Variants in GPC5 observed in about 807,000 individuals in gnomAD.
GPC5 encodes glypican 5, also known as glypican-5.
GPC5 carries 47 observed loss-of-function variants against 53.9 expected under a neutral mutation model. The ratio of observed to expected loss-of-function variants is 0.87; its 90% CI spans 0.69 to 1.11. The LOEUF is 1.11. Ranked by LOEUF, GPC5 falls within the 50% of genes most tolerant of loss-of-function variation. The probability of loss-of-function intolerance (pLI) is 0.00; values close to 1 mark genes in which losing one functional copy is unlikely to be tolerated. For synonymous variants in GPC5, 286 were observed against 263.3 expected, an observed-to-expected ratio of 1.09 and a Z score of -0.84; for missense variants, 748 against 713.1, an observed-to-expected ratio of 1.05 and a Z score of -0.56.
chr13:91,566,417 A>G (rs924302838), intron 2 of GPC5, among the ~76,000 whole-genome samples: 5 of 152,008 alleles, frequency 3.3e-5, no homozygotes, highest in Non-Finnish European at 7.4e-5. Context: ...ACAAAAAATT[A>G]GCCGGGCGTG....
intron 6 of GPC5, among the ~76,000 whole-genome samples, chr13:91,939,266 A>T (rs565448920): frequency 5.3e-5 from 8 of 152,264 alleles, no homozygotes; most frequent in African/African-American, 1.7e-4. Context: ...CTGATAGCAA[A>T]TTAAGAAATC....
intron 7 of GPC5, among the ~76,000 whole-genome samples, chr13:92,259,981 C>T (rs1021869702): frequency 2.6e-5 from 4 of 152,180 alleles, no homozygotes; most frequent in Admixed American, 6.5e-5. Context: ...CCAACAAACT[C>T]TGGGAAAACA....
At position 92,652,671 on chromosome 13, in the gene GPC5, G is replaced by A. The variant is rs145331897; in HGVS notation, c.1562-213611G>A. Among the ~76,000 whole-genome samples, 634 of 152,194 alleles carry A rather than the reference G, an allele frequency of 4.2e-3. 7 individuals carry two copies. The highest frequency in any genetic ancestry group is 0.014 in the African/African-American group (582 of 41,514). ...CTAAAATGAGGACAGTATCCTTCTT[G>A]CTAATTTCTAGTATACAAACTGATA... On this transcript the variant is annotated intron_variant, in intron 7 of 7. Transcript: ENST00000377067.
At chr13:91,572,237 A>T (rs1369608164) in intron 2 of GPC5, among the ~76,000 whole-genome samples, 3 of 128,550 alleles carry the variant, frequency 2.3e-5, no homozygotes, top group African/African-American at 1.0e-4. Context: ...ATATGTATAT[A>T]CATGTGTATA....
At chr13:91,745,267 A>T (rs972919948) in intron 4 of GPC5, among the ~76,000 whole-genome samples, 2 of 152,092 alleles carry the variant, frequency 1.3e-5, no homozygotes, top group African/African-American at 4.8e-5. Context: ...TTATGGGGAC[A>T]TTAAGTGGTA....
intron 7 of GPC5, among the ~76,000 whole-genome samples, chr13:92,651,545 G>T (rs993210711): frequency 2.0e-5 from 3 of 152,074 alleles, no homozygotes; most frequent in African/African-American, 7.2e-5. Context: ...GCCAAGAGGA[G>T]CCTATAGAGA....
chr13:91,927,364 T>A (rs1566346584), intron 6 of GPC5, among the ~76,000 whole-genome samples: 1 of 152,286 alleles, frequency 6.6e-6, no homozygotes, highest in East Asian at 1.9e-4. Flanking sequence ...TTGTAGTAGA[T>A]AAGATTTCTC....
At chr13:92,673,270 T>TTTTTTC (rs1266383863) in intron 7 of GPC5, among the ~76,000 whole-genome samples, 3 of 150,992 alleles carry the variant, frequency 2.0e-5, no homozygotes, top group Admixed American at 6.6e-5. Flanking sequence ...AATTACTCTT[T>TTTTTTC]TTTTTCTTTT....
chr13:92,090,600 T>C (rs1378780490), intron 6 of GPC5, among the ~76,000 whole-genome samples: 1 of 152,162 alleles, frequency 6.6e-6, no homozygotes, highest in Non-Finnish European at 1.5e-5. Context: ...CAATTTATGA[T>C]ATTTTGTTAA....
chr13:92,225,541 T>C (rs2042478935), intron 7 of GPC5, among the ~76,000 whole-genome samples: 1 of 152,230 alleles, frequency 6.6e-6, no homozygotes, highest in Non-Finnish European at 1.5e-5. Context: ...CAATTTAGTC[T>C]TTTATAAATG....
At chr13:91,715,800 C>CTCTCTGTG (rs997034217) in intron 3 of GPC5, among the ~76,000 whole-genome samples, 1 of 145,772 alleles carries the variant, frequency 6.9e-6, no homozygotes, top group African/African-American at 2.6e-5. Flanking sequence ...CTCTCTCTCT[C>CTCTCTGTG]TGTGTGTGTG....
chr13:92,452,141 T>C (rs2139399596), intron 7 of GPC5, among the ~76,000 whole-genome samples: 1 of 152,294 alleles, frequency 6.6e-6, no homozygotes. Flanking sequence ...TATAGGACTT[T>C]ATTTTTAAAA....
chr13:91,406,821 C>T (rs954242458), intron 1 of GPC5, among the ~76,000 whole-genome samples: 2 of 152,194 alleles, frequency 1.3e-5, no homozygotes, highest in East Asian at 3.9e-4. Flanking sequence ...GTCAAAGCAC[C>T]ACCCAAATAA....
At chr13:91,727,179 A>G (rs2036592869) in intron 3 of GPC5, among the ~76,000 whole-genome samples, 1 of 152,220 alleles carries the variant, frequency 6.6e-6, no homozygotes, top group African/African-American at 2.4e-5. Context: ...TATCTCTAGC[A>G]ATTAACATAG....
intron 7 of GPC5, among the ~76,000 whole-genome samples, chr13:92,768,707 C>A (rs1365085097): frequency 6.6e-6 from 1 of 151,728 alleles, no homozygotes; most frequent in Non-Finnish European, 1.5e-5. Flanking sequence ...AGTGGGAGTT[C>A]TTTGACTCTC....
chr13:92,785,827 C>T (rs973395705), intron 7 of GPC5, among the ~76,000 whole-genome samples: 14 of 152,082 alleles, frequency 9.2e-5, no homozygotes, highest in African/African-American at 7.2e-5. Context: ...TCTGTGCCTC[C>T]GTTTTTTCCT....
chr13:91,634,517 TA>T (rs2034238994), intron 2 of GPC5, among the ~76,000 whole-genome samples: 1 of 152,148 alleles, frequency 6.6e-6, no homozygotes, highest in East Asian at 1.9e-4. Context: ...CAAAGTCTCA[TA>T]AGTCTCATAA....
At position 92,232,631 on chromosome 13, in the gene GPC5, A is replaced by G. The variant is rs138668909; in HGVS notation, c.1561+87642A>G. Among the ~76,000 whole-genome samples the G allele has an allele frequency of 1.6e-3, 242 of 152,348 alleles. 1 individual carries two copies. Among genetic ancestry groups the G allele is most frequent in the African/African-American group, 5.8e-3 (241 of 41,588 alleles). ...TCTAAAAGAAAGTGTTGAACTGACT[A>G]TAAAGTTAAATCAGAAGGATAGAGG... On this transcript the variant is annotated intron_variant, in intron 7 of 7. Coordinates refer to ENST00000377067, the MANE Select transcript of GPC5 (RefSeq NM_004466.6).
At chr13:92,846,668 C>T (rs1878622415) in intron 7 of GPC5, among the ~76,000 whole-genome samples, 1 of 152,166 alleles carries the variant, frequency 6.6e-6, no homozygotes, top group Non-Finnish European at 1.5e-5. Flanking sequence ...AGAGTTTTAT[C>T]ATGTGCATAA....
Sources: gnomAD v4.1 joint callset for allele counts (sites outside exome capture counted in the v4.1 genomes callset) on GRCh38, gnomAD v4.1.1 for gene constraint, MANE v1.5 for transcripts, NCBI Gene and HGNC (gene_info 2026-07-23, HGNC 2026-07-21) for gene names.